Variants in RWDD4 observed in about 807,000 individuals in gnomAD.
The protein encoded by RWDD4 is RWD domain containing 4.
RWDD4 carries 16 observed loss-of-function variants against 30.0 expected under a neutral mutation model. The observed-to-expected ratio is 0.53, with a 90% CI of 0.36 to 0.81. The LOEUF is 0.81. Ranked by LOEUF, RWDD4 falls within the 30% of genes least tolerant of loss-of-function variation. The pLI is 0.00. For missense variants in RWDD4, 170 were observed against 223.9 expected, an observed-to-expected ratio of 0.76 and a Z score of 1.54; for synonymous variants, 45 against 72.1, an observed-to-expected ratio of 0.62 and a Z score of 1.90.
chr4:183,657,477 A>G (rs1734222816), intron 1 of RWDD4, among the ~76,000 whole-genome samples: 2 of 152,240 alleles, frequency 1.3e-5, no homozygotes, highest in Non-Finnish European at 2.9e-5. Context: ...ATAAGAATCC[A>G]AAAAGTCTTT....
intron 7 of RWDD4, 128 bp from the exon 8 acceptor site, chr4:183,641,596 A>G (rs1172084116): frequency 1.4e-6 from 1 of 715,774 alleles, no homozygotes; most frequent in Non-Finnish European, 2.5e-6. Flanking sequence ...TTTTTACCAC[A>G]TGTAGCTACT....
At chr4:183,647,548 T>A (rs1180645290) in intron 5 of RWDD4, among the ~76,000 whole-genome samples, 1 of 152,130 alleles carries the variant, frequency 6.6e-6, no homozygotes, top group Non-Finnish European at 1.5e-5. Flanking sequence ...AGTCACAAAC[T>A]CGTATACTGT....
intron 1 of RWDD4, among the ~76,000 whole-genome samples, chr4:183,657,191 C>A (rs1294948590): frequency 1.3e-5 from 2 of 152,190 alleles, no homozygotes; most frequent in African/African-American, 4.8e-5. Flanking sequence ...GCATAAAACA[C>A]CGACTATATA....
At chr4:183,648,141 G>A (rs956944900) in intron 5 of RWDD4, among the ~76,000 whole-genome samples, 1 of 151,260 alleles carries the variant, frequency 6.6e-6, no homozygotes, top group African/African-American at 2.5e-5. Flanking sequence ...CTACTCGGGA[G>A]GCTGAGGCAG....
chr4:183,655,526 C>T (rs577836137), intron 2 of RWDD4, among the ~76,000 whole-genome samples: 4 of 152,216 alleles, frequency 2.6e-5, no homozygotes, highest in South Asian at 2.1e-4. Context: ...CCTCGTGATC[C>T]GCCCACCTTG....
intron 5 of RWDD4, among the ~76,000 whole-genome samples, chr4:183,647,907 C>T (rs906922997): frequency 1.3e-5 from 2 of 151,936 alleles, no homozygotes; most frequent in Admixed American, 6.6e-5. Flanking sequence ...AAACATAAAC[C>T]ACAAAAAAAC....
At chr4:183,649,921 A>T (rs979134198) in intron 4 of RWDD4, among the ~76,000 whole-genome samples, 6 of 152,118 alleles carry the variant, frequency 3.9e-5, no homozygotes, top group Non-Finnish European at 7.4e-5. Flanking sequence ...TTCTTTACAG[A>T]GCTTTTCTCA....
At chr4:183,648,929 G>A (rs1302936200) in intron 5 of RWDD4, among the ~76,000 whole-genome samples, 1 of 151,606 alleles carries the variant, frequency 6.6e-6, no homozygotes, top group African/African-American at 2.4e-5. Context: ...TTGCTGCAAC[G>A]GCTGCCTCCT....
At position 183,653,561 on chromosome 4, in the gene RWDD4, G is replaced by C. The variant is rs141927367; in HGVS notation, c.106-2234C>G. On this transcript the variant is annotated intron_variant, in intron 2 of 7. Transcript: ENST00000326397. ...ATCATACTGGTGGTTGCAAAATGGT[G>C]ATCTTCTAGTAAAACGGTGGAATGA... 2.0e-5 allele frequency: 3 copies of C among 152,280 alleles called. No individual in the cohort carries two copies. In the East Asian group the frequency reaches 5.8e-4, roughly 29 times the overall value. The allele number at this position is 152,280 out of a possible 1,614,324, so 9.4% of individuals were successfully genotyped here.
chr4:183,649,622 C>G (rs1485906143), intron 4 of RWDD4, 54 bp from the exon 5 acceptor site: 2 of 871,570 alleles, frequency 2.3e-6, no homozygotes. Flanking sequence ...TTGTGTTACA[C>G]TAAATACAGC....
chr4:183,651,156 T>G (rs1461105104), intron 3 of RWDD4, 25 bp from the exon 4 acceptor site: 1 of 1,613,402 alleles, frequency 6.2e-7, no homozygotes, highest in Non-Finnish European at 8.5e-7. Flanking sequence ...AAAAATACCT[T>G]GCTGAGAGAA....
intron 7 of RWDD4, among the ~76,000 whole-genome samples, chr4:183,643,754 T>TA (rs374947293): frequency 1.6e-4 from 24 of 152,016 alleles, no homozygotes; most frequent in African/African-American, 5.8e-4. Flanking sequence ...CCATCTCTAC[T>TA]AAAAAATACC....
intron 7 of RWDD4, among the ~76,000 whole-genome samples, chr4:183,644,784 A>AAAAG (rs552398411): frequency 2.6e-4 from 39 of 148,874 alleles, no homozygotes; most frequent in African/African-American, 8.5e-4. Context: ...CTTCAAAAAA[A>AAAAG]AAAAGAAAAG....
At chr4:183,658,890 C>A in intron 1 of RWDD4, 39 bp downstream of exon 1, 1 of 1,238,714 alleles carries the variant, frequency 8.1e-7, no homozygotes, top group Non-Finnish European at 1.0e-6. Context: ...CTGCGCGCCG[C>A]GCCCGCGCTG....
chr4:183,644,328 G>C (rs1177459192), intron 7 of RWDD4, among the ~76,000 whole-genome samples: 1 of 152,226 alleles, frequency 6.6e-6, no homozygotes, highest in Non-Finnish European at 1.5e-5. Context: ...TTACACAGGG[G>C]AGGAAGAAAT....
At chr4:183,646,644 A>C in intron 5 of RWDD4, 107 bp from the exon 6 acceptor site, 1 of 923,062 alleles carries the variant, frequency 1.1e-6, no homozygotes. Context: ...AAAAATTTAA[A>C]TGACATATTA....
At chr4:183,644,660 T>A (rs915924357) in intron 7 of RWDD4, among the ~76,000 whole-genome samples, 1 of 151,818 alleles carries the variant, frequency 6.6e-6, no homozygotes, top group East Asian at 1.9e-4. Flanking sequence ...ATGCCTGTAG[T>A]CCTAGCTACT....
intron 1 of RWDD4, chr4:183,656,228 C>T (rs1049110230): frequency 2.6e-5 from 7 of 266,742 alleles, no homozygotes; most frequent in Non-Finnish European, 4.2e-5. Context: ...TCAAGAGGCT[C>T]CTATTATTTT....
intron 7 of RWDD4, among the ~76,000 whole-genome samples, chr4:183,641,706 G>C (rs536237097): frequency 1.2e-4 from 18 of 152,086 alleles, no homozygotes; most frequent in Non-Finnish European, 2.9e-5. Flanking sequence ...TGGGTGAGCG[G>C]GACACTCTTG....
Sources: gnomAD v4.1 joint callset for allele counts (sites outside exome capture counted in the v4.1 genomes callset) on GRCh38, gnomAD v4.1.1 for gene constraint, MANE v1.5 for transcripts, NCBI Gene and HGNC (gene_info 2026-07-23, HGNC 2026-07-21) for gene names.